ONECUT3: variants seen among roughly 807,000 people sequenced by gnomAD.
ONECUT3 encodes one cut domain family member 3.
A neutral mutation model predicts 16.8 loss-of-function variants in ONECUT3; 11 were observed. The ratio of observed to expected loss-of-function variants is 0.66; its 90% confidence interval spans 0.41 to 1.09. The LOEUF (loss-of-function observed/expected upper bound fraction) is 1.09. ONECUT3 is among the 50% of genes least tolerant of loss of function. The probability of loss-of-function intolerance (pLI) is 0.00; values close to 1 mark genes in which losing one functional copy is unlikely to be tolerated. For missense variants in ONECUT3, 637 were observed against 629.9 expected, an observed-to-expected ratio of 1.01 and a Z score of -0.12; for synonymous variants, 344 against 310.7, an observed-to-expected ratio of 1.11 and a Z score of -1.13.
Position 1,775,144 on chromosome 19 carries a change from C to G in ONECUT3, c.1193-9C>G. On this transcript the variant is annotated splice_polypyrimidine_tract_variant and intron_variant, in intron 1 of 1. Coordinates refer to ENST00000382349, the MANE Select transcript of ONECUT3 (RefSeq NM_001080488.2). ...CCCGCTCGCCCGCCCGCCCGCCGCTCGCCCGCAGCCTGCAAGCGCAAGGAA... is the reference window on the plus strand; with the variant it reads ...CCCGCTCGCCCGCCCGCCCGCCGCTGGCCCGCAGCCTGCAAGCGCAAGGAA... 1 of 1,411,726 alleles carries G rather than the reference C, an allele frequency of 7.1e-7. No homozygotes were observed. Among genetic ancestry groups the G allele is most frequent in the Non-Finnish European group, 9.4e-7 (1 of 1,059,808 alleles). 87.4% of individuals were successfully genotyped at this position (1,411,726 alleles called of 1,614,324 possible). A position where few individuals can be genotyped will look rare whatever the true frequency, so the allele number is the denominator to read the frequency against.
chr19:1,771,288 A>T (rs1332359510), intron 1 of ONECUT3, among the ~76,000 whole-genome samples: 2 of 152,110 alleles, frequency 1.3e-5, no homozygotes, highest in Non-Finnish European at 2.9e-5. Context: ...AGGTTGGATC[A>T]CATTTTCTGA....
intron 1 of ONECUT3, among the ~76,000 whole-genome samples, chr19:1,771,200 T>C (rs935704491): frequency 1.3e-5 from 2 of 152,192 alleles, no homozygotes; most frequent in Admixed American, 6.5e-5. Flanking sequence ...CTGCCCTCCA[T>C]ACCCTGGGTC....
rs892677264 is a variant in ONECUT3, at chr19:1,759,736, T to C, written c.1192+4882T>C. On this transcript the variant is annotated intron_variant, in intron 1 of 1. Coordinates refer to ENST00000382349, the MANE Select transcript of ONECUT3 (RefSeq NM_001080488.2). This position sits in a 1 kb window ranked among gnomAD's most constrained non-coding sequence, Gnocchi z 4.1. The stretch of plus-strand genomic sequence containing the variant: ...AAGGACTTGAGCCTCAGTTTTCTTA[T>C]CTGAGAAATGGGCAGAATGAAATGA... Among the ~76,000 whole-genome samples the C allele has an allele frequency of 6.6e-6, 1 of 152,014 alleles. No homozygotes were observed. The highest frequency in any genetic ancestry group is 6.6e-5 in the Admixed American group (1 of 15,256).
chr19:1,754,905 C>T lies in ONECUT3; in HGVS notation c.1192+51C>T. ...ACCCTGGGGGCGCCGGCTCTGGACT[C>T]CCGAGCACCTAGCGGGGCGGCGGCC... On this transcript the variant is annotated intron_variant, in intron 1 of 1. Transcript: ENST00000382349. The surrounding 1 kb of genome is among the most constrained non-coding windows in gnomAD (Gnocchi z 7.4). The T allele has an allele frequency of 7.7e-7, 1 of 1,304,746 alleles. No homozygotes were observed. The highest frequency in any genetic ancestry group is 9.8e-7 in the Non-Finnish European group (1 of 1,022,942). The allele number at this position is 1,304,746 out of a possible 1,614,324, so 80.8% of individuals were successfully genotyped here.
chr19:1,771,332 G>A (rs986189575), intron 1 of ONECUT3, among the ~76,000 whole-genome samples: 10 of 151,870 alleles, frequency 6.6e-5, no homozygotes, highest in South Asian at 2.1e-4. Flanking sequence ...TTACCTCCTC[G>A]TTTGAATGGA....
chr19:1,771,985 G>GTTT (rs2068059201), intron 1 of ONECUT3, among the ~76,000 whole-genome samples: 2 of 131,984 alleles, frequency 1.5e-5, no homozygotes, highest in East Asian at 2.4e-4. Context: ...AGCCTATTTA[G>GTTT]TTATTATTTA....
chr19:1,763,727 TTTTTG>T (rs1461996540), intron 1 of ONECUT3, among the ~76,000 whole-genome samples: 2 of 114,088 alleles, frequency 1.8e-5, no homozygotes, highest in African/African-American at 7.6e-5. Context: ...TTATTTCCCT[TTTTTG>T]TTTTTTTTTT....
At position 1,775,719 on chromosome 19, in the gene ONECUT3, T is replaced by G; in HGVS notation, c.*274T>G. 3.0e-6 allele frequency: 1 copy of G among 331,126 alleles called. No homozygotes were observed. The highest frequency in any genetic ancestry group is 5.5e-6 in the Non-Finnish European group (1 of 183,270). 20.5% of individuals were successfully genotyped at this position (331,126 alleles called of 1,614,324 possible). On this transcript the variant is annotated 3_prime_UTR_variant, in exon 2 of 2. Coordinates refer to ENST00000382349, the MANE Select transcript of ONECUT3 (RefSeq NM_001080488.2). ...GGGGAGGGAGTGACAGAAAGGGGTTTCCCAGCCCCCTCTCCATTCAGGACG... is the reference window on the plus strand; with the variant it reads ...GGGGAGGGAGTGACAGAAAGGGGTTGCCCAGCCCCCTCTCCATTCAGGACG...
intron 1 of ONECUT3, among the ~76,000 whole-genome samples, chr19:1,767,872 C>T (rs989261621): frequency 2.6e-5 from 4 of 152,038 alleles, no homozygotes; most frequent in Admixed American, 6.5e-5. Flanking sequence ...ATGGGGTCTC[C>T]GTCTCTTCTA....
chr19:1,761,628 G>A (rs981831928), intron 1 of ONECUT3, among the ~76,000 whole-genome samples: 4 of 152,212 alleles, frequency 2.6e-5, no homozygotes, highest in South Asian at 2.1e-4. Context: ...CAGGTAGCCC[G>A]GCTTACCCGG....
intron 1 of ONECUT3, 28 bp from the exon 2 acceptor site, chr19:1,775,125 C>T: frequency 9.4e-7 from 1 of 1,062,364 alleles, no homozygotes; most frequent in South Asian, 1.7e-5. Flanking sequence ...GTGTCCCGCT[C>T]GCCCGCCCGC....
In ONECUT3 at chr19:1,754,872, A is replaced by T. The variant is rs915346045; in HGVS notation, c.1192+18A>T. On this transcript the variant is annotated intron_variant, in intron 1 of 1. Transcript: ENST00000382349. The surrounding 1 kb of genome is among the most constrained non-coding windows in gnomAD (Gnocchi z 7.4). The stretch of plus-strand genomic sequence containing the variant: ...CTTGGCAGGTAGGAGCGTGGCGCGC[A>T]GGGCCAGACCCTGGGGGCGCCGGCT... 2 of 1,417,232 alleles carry T rather than the reference A, an allele frequency of 1.4e-6. No homozygotes were observed. The highest frequency in any genetic ancestry group is 2.9e-5 in the African/African-American group (2 of 67,822). 87.8% of individuals were successfully genotyped at this position (1,417,232 alleles called of 1,614,324 possible).
At chr19:1,757,280 C>T (rs952775563) in intron 1 of ONECUT3, among the ~76,000 whole-genome samples, 4 of 152,250 alleles carry the variant, frequency 2.6e-5, no homozygotes, top group Non-Finnish European at 5.9e-5. Context: ...TCCGCCGTCC[C>T]CTTTCTGCCA....
At chr19:1,768,141 C>T (rs985552461) in intron 1 of ONECUT3, among the ~76,000 whole-genome samples, 1 of 151,984 alleles carries the variant, frequency 6.6e-6, no homozygotes, top group African/African-American at 2.4e-5. Context: ...CTCAATGGGG[C>T]CCCTGGACAG....
chr19:1,757,008 T>G (rs1357929001), intron 1 of ONECUT3, among the ~76,000 whole-genome samples: 3 of 152,268 alleles, frequency 2.0e-5, no homozygotes, highest in African/African-American at 7.2e-5. Context: ...CCACTCTCCA[T>G]TTTTCCCACT....
chr19:1,771,756 T>C (rs2068056748), intron 1 of ONECUT3, among the ~76,000 whole-genome samples: 1 of 151,642 alleles, frequency 6.6e-6, no homozygotes, highest in Non-Finnish European at 1.5e-5. Flanking sequence ...CATAACTCAC[T>C]GCAGCCTTGA....
rs1266144201 is a variant in ONECUT3, at chr19:1,776,256, ACTTTAC to A, written c.*817_*822del. On this transcript the variant is annotated 3_prime_UTR_variant, in exon 2 of 2. Transcript: ENST00000382349. The surrounding 1 kb of genome is among the most constrained non-coding windows in gnomAD (Gnocchi z 4.9). Reference sequence around the variant, plus strand: ...CCGCCCCGCCCCGTCTGTTGAGTTCACTTTACCTTTAGGCACCTTCGTGGAGCGCAA... The same window carrying A: ...CCGCCCCGCCCCGTCTGTTGAGTTCACTTTAGGCACCTTCGTGGAGCGCAA... The A allele has an allele frequency of 1.3e-5, 2 of 152,086 alleles. No individual in the cohort carries two copies. Among genetic ancestry groups the A allele is most frequent in the African/African-American group, 4.8e-5 (2 of 41,380 alleles). The allele number at this position is 152,086 out of a possible 1,614,324, so 9.4% of individuals were successfully genotyped here. A position where few individuals can be genotyped will look rare whatever the true frequency, so the allele number is the denominator to read the frequency against.
Position 1,778,494 on chromosome 19 carries a change from G to A in ONECUT3, c.*3049G>A, listed in dbSNP as rs1273071575. On this transcript the variant is annotated 3_prime_UTR_variant, in exon 2 of 2. Transcript: ENST00000382349. ...TGAGCTTCTTAGAAAATCGATGCCTGGGCTTCAGGCACTGGCCGGAGCACG... is the reference window on the plus strand; with the variant it reads ...TGAGCTTCTTAGAAAATCGATGCCTAGGCTTCAGGCACTGGCCGGAGCACG... 3 of 151,582 alleles carry A rather than the reference G, an allele frequency of 2.0e-5. No homozygotes were observed. The highest frequency in any genetic ancestry group is 7.3e-5 in the African/African-American group (3 of 41,146). 9.4% of individuals were successfully genotyped at this position (151,582 alleles called of 1,614,324 possible).
chr19:1,767,695 CA>C (rs1388663935), intron 1 of ONECUT3, among the ~76,000 whole-genome samples: 1 of 152,226 alleles, frequency 6.6e-6, no homozygotes, highest in African/African-American at 2.4e-5. Flanking sequence ...CCTCCCCGCC[CA>C]GAGATTTCCT....
Sources: gnomAD v4.1 joint callset for allele counts (sites outside exome capture counted in the v4.1 genomes callset) on GRCh38, gnomAD v4.1.1 for gene constraint, Gnocchi (gnomAD v3.1) non-coding constraint, MANE v1.5 for transcripts, NCBI Gene and HGNC (gene_info 2026-07-23, HGNC 2026-07-21) for gene names.